The following AKT3 variants were observed in gnomAD, a reference collection of about 807,000 sequenced individuals.
AKT3 encodes AKT serine/threonine kinase 3.
A neutral mutation model predicts 65.3 loss-of-function variants in AKT3; 15 were observed. The ratio of observed to expected loss-of-function variants is 0.23; its 90% confidence interval spans 0.15 to 0.35. AKT3 has a LOEUF of 0.35. AKT3 is among the 10% of genes least tolerant of loss of function. AKT3 has a pLI of 1.00. For synonymous variants in AKT3, 206 were observed against 183.8 expected, an observed-to-expected ratio of 1.12 and a Z score of -0.98; for missense variants, 243 against 576.5, an observed-to-expected ratio of 0.42 and a Z score of 5.92.
At position 243,810,164 on chromosome 1, in the gene AKT3, A is replaced by G. The variant is rs775585234; in HGVS notation, c.46+32961T>C. On this transcript the variant is annotated intron_variant, in intron 2 of 13. Coordinates refer to ENST00000673466, the MANE Select transcript of AKT3 (RefSeq NM_005465.7). ...TCAAAAGCTAGCAGAAGGCAACAAA[A>G]TAACTAAGATGAGAGCAGAACTGAA... Among the ~76,000 whole-genome samples, 5 of 152,218 alleles carry G rather than the reference A, an allele frequency of 3.3e-5. No individual in the cohort carries two copies. In the South Asian group the frequency reaches 1.0e-3, roughly 32 times the overall value.
At chr1:243,706,666 C>T (rs534000138) in intron 2 of AKT3, among the ~76,000 whole-genome samples, 8 of 152,208 alleles carry the variant, frequency 5.3e-5, no homozygotes, top group African/African-American at 1.7e-4. Context: ...AGACAATGTA[C>T]TGATTGAGTC....
At chr1:243,597,998 T>C (rs1455057903) in intron 8 of AKT3, among the ~76,000 whole-genome samples, 1 of 152,224 alleles carries the variant, frequency 6.6e-6, no homozygotes, top group African/African-American at 2.4e-5. Flanking sequence ...AGGTTTCAAA[T>C]AAATGTACTA....
chr1:243,615,306 G>T, intron 6 of AKT3, 145 bp from the exon 7 acceptor site: 1 of 506,210 alleles, frequency 2.0e-6, no homozygotes, highest in South Asian at 4.4e-5. Context: ...TTACCACTCA[G>T]CATTCTCTCC....
intron 3 of AKT3, among the ~76,000 whole-genome samples, chr1:243,665,954 G>A (rs1462047089): frequency 2.6e-5 from 4 of 152,080 alleles, no homozygotes; most frequent in African/African-American, 9.7e-5. Context: ...ACTATCAACT[G>A]CCATTTCTAT....
At chr1:243,670,188 A>AT (rs1056342602) in intron 3 of AKT3, among the ~76,000 whole-genome samples, 20 of 152,322 alleles carry the variant, frequency 1.3e-4, no homozygotes, top group Non-Finnish European at 2.5e-4. Context: ...ATAAACCTAT[A>AT]TTTTTTAGGT....
At chr1:243,712,428 T>C (rs1558744884) in intron 2 of AKT3, among the ~76,000 whole-genome samples, 2 of 152,226 alleles carry the variant, frequency 1.3e-5, no homozygotes, top group Admixed American at 6.5e-5. Flanking sequence ...TGTCAGTACG[T>C]TGGCCTTTCA....
chr1:243,598,223 A>G lies in AKT3; in HGVS notation c.696+15448T>C, dbSNP rs182920603. On this transcript the variant is annotated intron_variant, in intron 8 of 13. Coordinates refer to ENST00000673466, the MANE Select transcript of AKT3 (RefSeq NM_005465.7). ...TACCTCTCAAAAAATTATAAGAAAA[A>G]TCATCCTTAAGGTTTTTGAGGTAAA... 3.5e-3 allele frequency among the ~76,000 whole-genome samples: 540 copies of G among 152,280 alleles called. 2 individuals carry two copies. Among genetic ancestry groups the G allele is most frequent in the African/African-American group, 0.013 (521 of 41,560 alleles).
At chr1:243,561,787 T>C (rs1673802004) in intron 10 of AKT3, among the ~76,000 whole-genome samples, 2 of 152,178 alleles carry the variant, frequency 1.3e-5, no homozygotes, top group East Asian at 3.8e-4. Flanking sequence ...ACAGGTACCA[T>C]CACTTTCCAT....
At chr1:243,656,798 G>T (rs916320072) in intron 4 of AKT3, among the ~76,000 whole-genome samples, 2 of 152,226 alleles carry the variant, frequency 1.3e-5, no homozygotes, top group Non-Finnish European at 2.9e-5. Flanking sequence ...GGCCATGGTT[G>T]TGACAGTGAA....
At chr1:243,761,645 A>G (rs1689497380) in intron 2 of AKT3, among the ~76,000 whole-genome samples, 1 of 152,150 alleles carries the variant, frequency 6.6e-6, no homozygotes, top group Non-Finnish European at 1.5e-5. Context: ...AAAATATTGT[A>G]TGATCCCACT....
intron 13 of AKT3, among the ~76,000 whole-genome samples, chr1:243,509,663 G>A (rs1379014381): frequency 6.6e-6 from 1 of 152,026 alleles, no homozygotes; most frequent in African/African-American, 2.4e-5. Flanking sequence ...GCTGCGTTGG[G>A]CCTATCATCC....
chr1:243,510,063 A>G (rs75349039), intron 13 of AKT3, among the ~76,000 whole-genome samples: 2,046 of 152,342 alleles, frequency 0.013, 51 homozygotes, highest in African/African-American at 0.046. Context: ...GACTTCCAAA[A>G]TAACATATTT....
intron 2 of AKT3, 53 bp downstream of exon 2, chr1:243,843,072 T>A (rs1045908521): frequency 7.6e-6 from 12 of 1,579,420 alleles, no homozygotes; most frequent in Non-Finnish European, 1.0e-5. Flanking sequence ...AAGACACCAC[T>A]CACTGCTAGC....
chr1:243,540,052 C>T (rs1445337027), intron 12 of AKT3, among the ~76,000 whole-genome samples: 1 of 152,030 alleles, frequency 6.6e-6, no homozygotes, highest in Non-Finnish European at 1.5e-5. Context: ...ACAAACAATT[C>T]AATAAAATTA....
At chr1:243,823,116 T>G (rs955160808) in intron 2 of AKT3, among the ~76,000 whole-genome samples, 1 of 152,214 alleles carries the variant, frequency 6.6e-6, no homozygotes, top group African/African-American at 2.4e-5. Flanking sequence ...GATGCAATGC[T>G]GGTTCAACAT....
intron 5 of AKT3, among the ~76,000 whole-genome samples, chr1:243,643,666 C>T (rs1347367150): frequency 6.6e-6 from 1 of 152,200 alleles, no homozygotes; most frequent in African/African-American, 2.4e-5. Context: ...CGATAATCCA[C>T]CACTAAGGGA....
intron 12 of AKT3, among the ~76,000 whole-genome samples, chr1:243,516,038 C>A (rs1046319236): frequency 7.2e-5 from 11 of 151,876 alleles, no homozygotes; most frequent in Admixed American, 7.2e-4. Flanking sequence ...ACAGAATGAA[C>A]TGAGAAATGT....
In AKT3 at chr1:243,767,269, G is replaced by A. The variant is rs550440318; in HGVS notation, c.47-71553C>T. On this transcript the variant is annotated intron_variant, in intron 2 of 13. Transcript: ENST00000673466. ...CATGGGAGATGAATGTTTCAATGAG[G>A]AGGGGGCAATCAATAAATTAAATGA... Among the ~76,000 whole-genome samples, 333 of 152,270 alleles carry A rather than the reference G, an allele frequency of 2.2e-3. 1 individual carries two copies. In the Middle Eastern group the frequency reaches 0.024, roughly 11 times the overall value.
At chr1:243,806,878 G>T (rs545895114) in intron 2 of AKT3, among the ~76,000 whole-genome samples, 1 of 152,296 alleles carries the variant, frequency 6.6e-6, no homozygotes, top group African/African-American at 2.4e-5. Flanking sequence ...TTCAGTGGTA[G>T]TAATGCATCT....
Sources: allele counts gnomAD v4.1 joint callset (sites outside exome capture counted in the v4.1 genomes callset), GRCh38; gene constraint gnomAD v4.1.1; transcripts MANE v1.5; gene names NCBI Gene and HGNC (gene_info 2026-07-23, HGNC 2026-07-21).